The following DMD variants were observed in gnomAD, a reference collection of about 807,000 sequenced individuals.
DMD encodes the protein dystrophin.
DMD carries 63 observed loss-of-function variants against 330.1 expected under a neutral mutation model. The ratio of observed to expected loss-of-function variants is 0.19; its 90% CI spans 0.16 to 0.24. The LOEUF is 0.24. Among genes scored for constraint, DMD ranks in the 10% least tolerant of loss-of-function variants. DMD has a pLI of 1.00. For synonymous variants in DMD, 1,223 were observed against 959.8 expected, an observed-to-expected ratio of 1.27 and a Z score of -5.07; for missense variants, 3,344 against 2,684.1, an observed-to-expected ratio of 1.25 and a Z score of -5.43.
chrX:32,946,555 ATCTTTTCC>A (rs994623201), intron 2 of DMD, among the ~76,000 whole-genome samples: 1 of 112,207 alleles, frequency 8.9e-6, no homozygotes, highest in African/African-American at 3.2e-5. Flanking sequence ...TCTACTAATC[ATCTTTTCC>A]TATTTGTTTT....
upstream of DMD, among the ~76,000 whole-genome samples, chrX:33,216,360 C>T (rs1019880355): frequency 3.1e-4 from 35 of 111,243 alleles, no homozygotes; most frequent in African/African-American, 1.0e-3. Context: ...AACCAAATAC[C>T]GCATGTTCTC....
intron 1 of DMD, among the ~76,000 whole-genome samples, chrX:33,227,331 C>T (rs185022595): frequency 5.3e-4 from 59 of 110,608 alleles, no homozygotes; most frequent in African/African-American, 1.9e-3. Flanking sequence ...AAATCCCCTC[C>T]CTGTTAGAAT....
intron 26 of DMD, among the ~76,000 whole-genome samples, chrX:32,453,774 G>C (rs951297609): frequency 1.8e-5 from 2 of 111,009 alleles, no homozygotes; most frequent in Non-Finnish European, 3.8e-5. Flanking sequence ...GCCGAACTAA[G>C]TTTTAAACTC....
At chrX:32,560,456 A>T (rs187090117) in intron 16 of DMD, among the ~76,000 whole-genome samples, 96 of 111,054 alleles carry the variant, frequency 8.6e-4, no homozygotes, top group African/African-American at 3.0e-3. Context: ...TATTTTTTTA[A>T]GTTCCAGGGT....
chrX:32,274,335 T>C (rs1049803096), intron 43 of DMD, among the ~76,000 whole-genome samples: 10 of 112,187 alleles, frequency 8.9e-5, no homozygotes, highest in African/African-American at 1.6e-4. Flanking sequence ...ACTGGGGATA[T>C]TGATCTATGG....
intron 9 of DMD, among the ~76,000 whole-genome samples, chrX:32,671,187 T>G (rs1057172987): frequency 1.8e-5 from 2 of 110,961 alleles, no homozygotes; most frequent in African/African-American, 6.5e-5. Context: ...CTTGGATCTT[T>G]CAGAAATTTG....
intron 1 of DMD, chrX:33,128,023 A>G: frequency 8.6e-7 from 1 of 1,156,366 alleles, no homozygotes. Context: ...GGAGTCATCC[A>G]AATATATCCC....
intron 61 of DMD, among the ~76,000 whole-genome samples, chrX:31,332,291 C>A (rs920224165): frequency 3.0e-4 from 34 of 112,235 alleles, no homozygotes; most frequent in Non-Finnish European, 3.8e-4. Context: ...TGAAGTAGAG[C>A]TTTCCAGTCA....
chrX:32,966,802 C>A (rs748958435), intron 2 of DMD, among the ~76,000 whole-genome samples: 5 of 111,903 alleles, frequency 4.5e-5, no homozygotes, highest in Admixed American at 9.5e-5. Context: ...AATCACAGAG[C>A]TAAGTCAAGC....
At chrX:32,898,100 T>C (rs1398503837) in intron 2 of DMD, among the ~76,000 whole-genome samples, 1 of 112,170 alleles carries the variant, frequency 8.9e-6, no homozygotes, top group African/African-American at 3.2e-5. Flanking sequence ...ATTTGTGCTA[T>C]GGACCGTGTT....
chrX:33,010,219 C>A (rs1036057562), intron 2 of DMD, among the ~76,000 whole-genome samples: 1 of 92,179 alleles, frequency 1.1e-5, no homozygotes, highest in African/African-American at 5.3e-5. Flanking sequence ...TGTATATGTA[C>A]ATATGTGTGT....
At chrX:31,692,601 G>A (rs1356072705) in intron 52 of DMD, among the ~76,000 whole-genome samples, 1 of 111,391 alleles carries the variant, frequency 9.0e-6, no homozygotes, top group Non-Finnish European at 1.9e-5. Flanking sequence ...TGATAACACA[G>A]AAATACAAAG....
At chrX:31,382,939 C>T (rs749646135) in intron 60 of DMD, among the ~76,000 whole-genome samples, 2 of 111,757 alleles carry the variant, frequency 1.8e-5, no homozygotes, top group African/African-American at 3.3e-5. Flanking sequence ...TGAGCCCAAG[C>T]TAAGCCATCA....
intron 18 of DMD, among the ~76,000 whole-genome samples, chrX:32,505,628 T>C (rs1307945546): frequency 8.9e-6 from 1 of 112,090 alleles, no homozygotes; most frequent in Non-Finnish European, 1.9e-5. Flanking sequence ...GTAAACATTC[T>C]ACTATATGAT....
At chrX:31,493,075 A>T (rs1233889148) in intron 57 of DMD, among the ~76,000 whole-genome samples, 1 of 111,966 alleles carries the variant, frequency 8.9e-6, no homozygotes, top group Non-Finnish European at 1.9e-5. Context: ...TTACAAAAAG[A>T]TGCTTAATTA....
At chrX:33,073,687 C>A (rs754947800) in intron 1 of DMD, among the ~76,000 whole-genome samples, 114 of 110,200 alleles carry the variant, frequency 1.0e-3, no homozygotes, top group Admixed American at 3.6e-3. Context: ...AAAAAATTAG[C>A]CGGGCTTGGT....
At chrX:32,405,055 C>A (rs755477747) in intron 30 of DMD, among the ~76,000 whole-genome samples, 5 of 111,672 alleles carry the variant, frequency 4.5e-5, no homozygotes, top group Non-Finnish European at 9.4e-5. Flanking sequence ...AGAAGAGAAT[C>A]TTTATAGAAG....
chrX:32,517,871 T>A (rs1472785700), intron 18 of DMD, 137 bp downstream of exon 18: 2 of 725,410 alleles, frequency 2.8e-6, no homozygotes, highest in Non-Finnish European at 4.2e-6. Flanking sequence ...CTATCTAAAA[T>A]ATATTTTTAA....
intron 60 of DMD, among the ~76,000 whole-genome samples, chrX:31,360,733 T>C (rs1177734863): frequency 8.9e-6 from 1 of 112,033 alleles, no homozygotes; most frequent in Admixed American, 9.5e-5. Flanking sequence ...CAGTAAATCA[T>C]GGACGGTTGA....
Sources: allele counts gnomAD v4.1 joint callset (sites outside exome capture counted in the v4.1 genomes callset), GRCh38; gene constraint gnomAD v4.1.1; transcripts MANE v1.5; gene names NCBI Gene and HGNC (gene_info 2026-07-23, HGNC 2026-07-21).